Variants in SLC25A13 observed in about 807,000 individuals in gnomAD.
SLC25A13 encodes the protein solute carrier family 25 member 13, also known as electrogenic aspartate/glutamate antiporter SLC25A13, mitochondrial.
SLC25A13 carries 70 observed loss-of-function variants against 85.5 expected under a neutral mutation model. The observed-to-expected ratio is 0.82, with a 90% CI of 0.68 to 1.00. The LOEUF (loss-of-function observed/expected upper bound fraction) is 1.00, where lower values mean the gene tolerates loss of function less well. Ranked by LOEUF, SLC25A13 falls within the 50% of genes least tolerant of loss-of-function variation. The pLI, the probability that SLC25A13 is intolerant of heterozygous loss-of-function variation, is 0.00. For synonymous variants in SLC25A13, 259 were observed against 288.7 expected (o/e 0.90, Z 1.04); for missense variants, 765 against 819.8 (o/e 0.93, Z 0.82).
chr7:96,189,505 C>G (rs1794763541), intron 8 of SLC25A13, 76 bp downstream of exon 8: 1 of 1,528,904 alleles, frequency 6.5e-7, no homozygotes, highest in East Asian at 2.3e-5. Context: ...GCTTCTTTTT[C>G]TCCTGATTGC....
intron 3 of SLC25A13, among the ~76,000 whole-genome samples, chr7:96,264,902 C>A (rs4509239): frequency 2.0e-5 from 3 of 152,188 alleles, no homozygotes; most frequent in East Asian, 3.9e-4. Context: ...AGTTTTATAT[C>A]TTTACAAATC....
chr7:96,302,495 A>C (rs1799585553), intron 1 of SLC25A13, among the ~76,000 whole-genome samples: 1 of 152,110 alleles, frequency 6.6e-6, no homozygotes, highest in Non-Finnish European at 1.5e-5. Context: ...ATATAAGAAA[A>C]CCTACACGAA....
At chr7:96,185,772 C>A (rs375210958) in intron 9 of SLC25A13, among the ~76,000 whole-genome samples, 3 of 150,952 alleles carry the variant, frequency 2.0e-5, no homozygotes, top group Admixed American at 6.6e-5. Context: ...TGGTGGCAGG[C>A]GCCTGTAGTC....
chr7:96,198,773 G>T (rs1584443926), intron 5 of SLC25A13, among the ~76,000 whole-genome samples: 1 of 151,962 alleles, frequency 6.6e-6, no homozygotes, highest in South Asian at 2.1e-4. Flanking sequence ...TTTTGATGAT[G>T]ATTTGAATAT....
rs1798946800 is a variant in SLC25A13, at chr7:96,287,781, A to G, written c.69+9117T>C. On this transcript the variant is annotated intron_variant, in intron 2 of 17. Coordinates refer to ENST00000265631, the MANE Select transcript of SLC25A13 (RefSeq NM_014251.3). ...CCCACTTCCTGTCAGAAGGATGCCC[A>G]CCACTCTTGCTTGTTTAGAAAACAG... Among the ~76,000 whole-genome samples, 4 of 152,200 alleles carry G rather than the reference A, an allele frequency of 2.6e-5. No homozygotes were observed. In the South Asian group the frequency reaches 8.3e-4, roughly 31 times the overall value.
At chr7:96,193,421 C>T (rs1367985051) in intron 5 of SLC25A13, among the ~76,000 whole-genome samples, 1 of 152,132 alleles carries the variant, frequency 6.6e-6, no homozygotes, top group African/African-American at 2.4e-5. Flanking sequence ...CCCAATGAAA[C>T]CCAATTACTT....
At chr7:96,270,163 A>G (rs952680435) in intron 3 of SLC25A13, among the ~76,000 whole-genome samples, 2 of 152,268 alleles carry the variant, frequency 1.3e-5, no homozygotes, top group Admixed American at 6.5e-5. Context: ...GGTAATGGAC[A>G]TGCTAATTAG....
intron 15 of SLC25A13, among the ~76,000 whole-genome samples, chr7:96,124,024 T>C (rs2116393190): frequency 6.6e-6 from 1 of 152,316 alleles, no homozygotes; most frequent in African/African-American, 2.4e-5. Context: ...GCAGGCTGCC[T>C]GATTCTTCAA....
At chr7:96,178,764 G>C (rs543434722) in intron 11 of SLC25A13, among the ~76,000 whole-genome samples, 1 of 152,196 alleles carries the variant, frequency 6.6e-6, no homozygotes, top group South Asian at 2.1e-4. Flanking sequence ...ACTTGCTCAA[G>C]CATTCTTTCC....
intron 2 of SLC25A13, among the ~76,000 whole-genome samples, chr7:96,292,570 C>T (rs960401253): frequency 1.3e-4 from 20 of 152,346 alleles, no homozygotes; most frequent in African/African-American, 4.8e-4. Flanking sequence ...TGATAAGCAA[C>T]TTCAGCAAAG....
At chr7:96,172,543 C>G (rs944390976) in intron 11 of SLC25A13, among the ~76,000 whole-genome samples, 1 of 150,894 alleles carries the variant, frequency 6.6e-6, no homozygotes, top group Non-Finnish European at 1.5e-5. Context: ...GGCAATGGAG[C>G]GAGACTCTGC....
intron 3 of SLC25A13, among the ~76,000 whole-genome samples, chr7:96,257,618 C>A (rs1797690336): frequency 6.6e-6 from 1 of 152,122 alleles, no homozygotes; most frequent in African/African-American, 2.4e-5. Context: ...GGATTCACAG[C>A]CAAATTCTAC....
At chr7:96,287,978 C>T (rs1798953996) in intron 2 of SLC25A13, among the ~76,000 whole-genome samples, 1 of 152,296 alleles carries the variant, frequency 6.6e-6, no homozygotes, top group Non-Finnish European at 1.5e-5. Context: ...ACCTTAAATG[C>T]ACATACGAAG....
At position 96,180,174 on chromosome 7, in the gene SLC25A13, G is replaced by GT. The variant is rs201415731; in HGVS notation, c.1177+4102dup. On this transcript the variant is annotated intron_variant, in intron 11 of 17. Coordinates refer to ENST00000265631, the MANE Select transcript of SLC25A13 (RefSeq NM_014251.3). Reference sequence around the variant, plus strand: ...ATCAATGGGCTGATTAAAAAATGTGGTTTTTTTTTTGCCAATTTCCTCAAA... The same window carrying GT: ...ATCAATGGGCTGATTAAAAAATGTGGTTTTTTTTTTTGCCAATTTCCTCAAA... Among the ~76,000 whole-genome samples the GT allele has an allele frequency of 3.9e-3, 581 of 147,938 alleles. 6 individuals carry two copies. Among genetic ancestry groups the GT allele is most frequent in the Middle Eastern group, 3.4e-3 (1 of 290 alleles).
intron 13 of SLC25A13, among the ~76,000 whole-genome samples, chr7:96,150,337 C>G (rs570248080): frequency 6.6e-6 from 1 of 152,174 alleles, no homozygotes; most frequent in Non-Finnish European, 1.5e-5. Flanking sequence ...GGGTAGAAGT[C>G]ATGAATATTC....
At chr7:96,193,717 A>T (rs1446154826) in intron 5 of SLC25A13, among the ~76,000 whole-genome samples, 4 of 152,194 alleles carry the variant, frequency 2.6e-5, no homozygotes, top group Non-Finnish European at 5.9e-5. Flanking sequence ...GGACAGGGTA[A>T]GTCTTTATTA....
At chr7:96,221,630 T>C (rs866389228) in intron 4 of SLC25A13, among the ~76,000 whole-genome samples, 1 of 152,226 alleles carries the variant, frequency 6.6e-6, no homozygotes, top group Non-Finnish European at 1.5e-5. Context: ...TCTGCCTTCT[T>C]CCAATCCAAT....
chr7:96,209,353 T>TACACACACAC (rs59571646), intron 4 of SLC25A13, among the ~76,000 whole-genome samples: 30,852 of 145,362 alleles, frequency 0.21, 3,684 homozygotes, highest in African/African-American at 0.32. Flanking sequence ...GGAAAACACA[T>TACACACACAC]ACACACACAC....
At chr7:96,280,323 A>AT (rs1272864596) in intron 2 of SLC25A13, among the ~76,000 whole-genome samples, 1 of 152,134 alleles carries the variant, frequency 6.6e-6, no homozygotes, top group Non-Finnish European at 1.5e-5. Flanking sequence ...ACACTTGGAA[A>AT]TTTTTTTGGC....
Sources: allele counts gnomAD v4.1 joint callset (sites outside exome capture counted in the v4.1 genomes callset), GRCh38; gene constraint gnomAD v4.1.1; transcripts MANE v1.5; gene names NCBI Gene and HGNC (gene_info 2026-07-23, HGNC 2026-07-21).